The following EYS variants were observed in gnomAD, a reference collection of about 807,000 sequenced individuals.
The protein encoded by EYS is EGF-like photoreceptor maintenance factor, also known as protein eyes shut homolog.
EYS carries 250 observed loss-of-function variants against 282.1 expected under a neutral mutation model. The ratio of observed to expected loss-of-function variants is 0.89; its 90% CI spans 0.80 to 0.98. The LOEUF (loss-of-function observed/expected upper bound fraction) is 0.98. EYS is among the 50% of genes least tolerant of loss of function. EYS has a pLI of 0.00. For synonymous variants in EYS, 1,355 were observed against 1,282.9 expected, an observed-to-expected ratio of 1.06 and a Z score of -1.20; for missense variants, 4,016 against 3,709.0, an observed-to-expected ratio of 1.08 and a Z score of -2.15.
chr6:65,678,306 T>A (rs535081300), intron 1 of EYS, among the ~76,000 whole-genome samples: 1 of 151,986 alleles, frequency 6.6e-6, no homozygotes, highest in Non-Finnish European at 1.5e-5. Flanking sequence ...CATTTCAACA[T>A]GAGATCTGGA....
chr6:65,384,886 A>C (rs1206885863), intron 7 of EYS, among the ~76,000 whole-genome samples: 1 of 151,920 alleles, frequency 6.6e-6, no homozygotes, highest in Non-Finnish European at 1.5e-5. Context: ...GGAGTTAATG[A>C]TGACTACATG....
chr6:65,564,876 C>T (rs928751649), intron 2 of EYS, among the ~76,000 whole-genome samples: 1 of 151,736 alleles, frequency 6.6e-6, no homozygotes, highest in African/African-American at 2.4e-5. Flanking sequence ...TCAATCTATC[C>T]ATCTGACAAA....
rs181707536 is a variant in EYS, at chr6:65,364,787, T to C, written c.1300-11170A>G. Among the ~76,000 whole-genome samples the C allele has an allele frequency of 4.0e-5, 6 of 151,812 alleles. No homozygotes were observed. The East Asian group carries it at 1.2e-3, about 29-fold the overall frequency. ...GATACATGTATTAAAAACAAGTACT[T>C]GGCCAATTAGAATATTATGGAGTTA... On this transcript the variant is annotated intron_variant, in intron 8 of 42. Transcript: ENST00000503581.
At chr6:65,494,234 T>C (rs1363142043) in intron 4 of EYS, among the ~76,000 whole-genome samples, 2 of 151,658 alleles carry the variant, frequency 1.3e-5, no homozygotes, top group African/African-American at 2.4e-5. Flanking sequence ...CCAAGGAATC[T>C]ATTAAATTTT....
intron 31 of EYS, among the ~76,000 whole-genome samples, chr6:64,153,453 G>T (rs1214796342): frequency 1.3e-5 from 2 of 152,126 alleles, no homozygotes; most frequent in Non-Finnish European, 2.9e-5. Context: ...GAGTCACTCT[G>T]TTTTCATTGG....
intron 2 of EYS, among the ~76,000 whole-genome samples, chr6:65,516,578 T>A (rs529426917): frequency 6.6e-6 from 1 of 152,236 alleles, no homozygotes; most frequent in African/African-American, 2.4e-5. Flanking sequence ...AGATAATTTC[T>A]TAAAGATGTC....
chr6:64,155,344 A>AAT (rs1774880310), intron 31 of EYS, among the ~76,000 whole-genome samples: 1 of 146,588 alleles, frequency 6.8e-6, no homozygotes, highest in African/African-American at 2.5e-5. Context: ...GCAGCACATA[A>AAT]TTTTTTTTTT....
chr6:65,382,204 T>C (rs1277766347), intron 8 of EYS, among the ~76,000 whole-genome samples: 2 of 139,082 alleles, frequency 1.4e-5, no homozygotes, highest in Non-Finnish European at 3.1e-5. Context: ...AAGAACCTCA[T>C]CCTTTGGTGT....
At chr6:64,365,901 G>A (rs1253720157) in intron 29 of EYS, among the ~76,000 whole-genome samples, 3 of 151,978 alleles carry the variant, frequency 2.0e-5, no homozygotes, top group African/African-American at 7.2e-5. Context: ...AGAAAAGGAA[G>A]GACTACTGTA....
intron 14 of EYS, among the ~76,000 whole-genome samples, chr6:64,952,813 TTG>T (rs1159138877): frequency 6.6e-6 from 1 of 152,044 alleles, no homozygotes; most frequent in African/African-American, 2.4e-5. Flanking sequence ...AATTATATTA[TTG>T]CGTATTTCTC....
rs1213047118 is a variant in EYS at position 63,804,245 on chromosome 6, AC to A, written c.7411+1944del. 2.0e-5 allele frequency among the ~76,000 whole-genome samples: 3 copies of A among 151,878 alleles called. No homozygotes were observed. In the East Asian group the frequency reaches 5.8e-4, roughly 29 times the overall value. The stretch of plus-strand genomic sequence containing the variant: ...TGGTCAGGCTGCTCTCAAACTCCTG[AC>A]CTCAGGTGATCCACCCACCTTGGCC... On this transcript the variant is annotated intron_variant, in intron 37 of 42. Coordinates refer to ENST00000503581, the MANE Select transcript of EYS (RefSeq NM_001142800.2).
At chr6:63,750,873 T>C (rs953450615) in intron 41 of EYS, among the ~76,000 whole-genome samples, 4 of 152,152 alleles carry the variant, frequency 2.6e-5, no homozygotes, top group African/African-American at 9.7e-5. Context: ...GGTGTCTTTG[T>C]TGGGGAAGGA....
At chr6:64,597,664 A>T (rs1225559661) in intron 24 of EYS, among the ~76,000 whole-genome samples, 1 of 151,256 alleles carries the variant, frequency 6.6e-6, no homozygotes, top group Non-Finnish European at 1.5e-5. Context: ...TAATGTGTAC[A>T]TATGGACATA....
At chr6:64,395,339 T>G (rs1383059891) in intron 28 of EYS, among the ~76,000 whole-genome samples, 5 of 152,084 alleles carry the variant, frequency 3.3e-5, no homozygotes, top group African/African-American at 7.2e-5. Context: ...ACACGTATGT[T>G]TATTGCAGCA....
At chr6:63,895,901 ATTTGTTTTTTT>A (rs1773524584) in intron 35 of EYS, among the ~76,000 whole-genome samples, 1 of 22,658 alleles carries the variant, frequency 4.4e-5, no homozygotes, top group Admixed American at 6.3e-4. Flanking sequence ...TGAGATCATG[ATTTGTTTTTTT>A]TTTTTTTTTT....
intron 28 of EYS, among the ~76,000 whole-genome samples, chr6:64,429,428 C>T (rs1774511732): frequency 1.3e-5 from 2 of 152,034 alleles, no homozygotes; most frequent in African/African-American, 2.4e-5. Context: ...GTCAGGAGTT[C>T]GAGACCAGGC....
At chr6:63,880,625 A>G (rs1051723687) in intron 35 of EYS, among the ~76,000 whole-genome samples, 2 of 152,146 alleles carry the variant, frequency 1.3e-5, no homozygotes, top group South Asian at 4.1e-4. Flanking sequence ...ATAACTGAAA[A>G]CAGTTTTCCT....
chr6:63,725,259 G>GT (rs1485885041), intron 42 of EYS, among the ~76,000 whole-genome samples: 1 of 152,070 alleles, frequency 6.6e-6, no homozygotes, highest in African/African-American at 2.4e-5. Context: ...AATAACAGAT[G>GT]TAAGAAGATG....
At chr6:65,049,307 T>C (rs1773197258) in intron 13 of EYS, among the ~76,000 whole-genome samples, 1 of 151,812 alleles carries the variant, frequency 6.6e-6, no homozygotes, top group Non-Finnish European at 1.5e-5. Flanking sequence ...CTGAATGTCT[T>C]TGAGGTCTTT....
Sources: allele counts gnomAD v4.1 joint callset (sites outside exome capture counted in the v4.1 genomes callset), GRCh38; gene constraint gnomAD v4.1.1; transcripts MANE v1.5; gene names NCBI Gene and HGNC (gene_info 2026-07-23, HGNC 2026-07-21).